NEXMIF: variants seen among roughly 807,000 people sequenced by gnomAD.
NEXMIF encodes XLMR protein related to neurite extension.
In NEXMIF, 8 loss-of-function variants were observed where a neutral mutation model predicts 62.1. The ratio of observed to expected loss-of-function variants is 0.13; its 90% confidence interval spans 0.08 to 0.23. NEXMIF has a LOEUF of 0.23. Among genes scored for constraint, NEXMIF ranks in the 10% least tolerant of loss-of-function variants. NEXMIF has a pLI of 1.00. For missense variants in NEXMIF, 976 were observed against 1,113.3 expected (o/e 0.88, Z 1.75); for synonymous variants, 404 against 416.6 (o/e 0.97, Z 0.37).
At chrX:74,790,913 C>T (rs1476396171) in intron 1 of NEXMIF, among the ~76,000 whole-genome samples, 3 of 109,986 alleles carry the variant, frequency 2.7e-5, no homozygotes, top group Non-Finnish European at 3.8e-5. Context: ...ACAATCATGT[C>T]GTCTGCAAAC....
intron 1 of NEXMIF, among the ~76,000 whole-genome samples, chrX:74,900,896 G>C (rs755983641): frequency 8.9e-6 from 1 of 112,415 alleles, no homozygotes; most frequent in Admixed American, 9.4e-5. Context: ...ACATAAGCCA[G>C]TTACAAAAAG....
chrX:74,861,786 A>G (rs2080558598), intron 1 of NEXMIF, among the ~76,000 whole-genome samples: 1 of 111,957 alleles, frequency 8.9e-6, no homozygotes, highest in South Asian at 3.8e-4. Context: ...TTTTCAGACA[A>G]GAAAATGCTT....
intron 1 of NEXMIF, among the ~76,000 whole-genome samples, chrX:74,784,669 G>GAGTT (rs1473925107): frequency 9.1e-6 from 1 of 110,256 alleles, no homozygotes; most frequent in Non-Finnish European, 1.9e-5. Context: ...GTGAAAGAAA[G>GAGTT]AGTTAACCCA....
chrX:74,863,590 C>T (rs776701775), intron 1 of NEXMIF, among the ~76,000 whole-genome samples: 3 of 111,466 alleles, frequency 2.7e-5, no homozygotes, highest in South Asian at 3.8e-4. Context: ...GAGTTGAATC[C>T]CTGAATAGAC....
intron 1 of NEXMIF, among the ~76,000 whole-genome samples, chrX:74,806,669 A>G (rs1402173978): frequency 1.8e-5 from 2 of 112,160 alleles, no homozygotes; most frequent in Admixed American, 9.4e-5. Context: ...ATTTTCTCCT[A>G]TGTTTTCTTC....
chrX:74,887,603 T>A (rs1189555021), intron 1 of NEXMIF, among the ~76,000 whole-genome samples: 1 of 110,952 alleles, frequency 9.0e-6, no homozygotes, highest in Admixed American at 9.5e-5. Context: ...TGAGATACCA[T>A]CTCACACCAG....
At chrX:74,776,585 G>A (rs1328705409) in intron 1 of NEXMIF, among the ~76,000 whole-genome samples, 1 of 109,441 alleles carries the variant, frequency 9.1e-6, no homozygotes, top group Non-Finnish European at 1.9e-5. Flanking sequence ...AAATAACCTG[G>A]GCGTGGTGGC....
intron 1 of NEXMIF, among the ~76,000 whole-genome samples, chrX:74,776,356 T>C (rs2080228400): frequency 9.0e-6 from 1 of 111,631 alleles, no homozygotes; most frequent in African/African-American, 3.3e-5. Context: ...CATGGGGAAA[T>C]ATAGGGATGA....
intron 1 of NEXMIF, among the ~76,000 whole-genome samples, chrX:74,801,010 GA>G (rs1430187889): frequency 9.0e-6 from 1 of 111,351 alleles, no homozygotes; most frequent in Non-Finnish European, 1.9e-5. Context: ...GGTAACCACT[GA>G]ATTTTTTTTT....
At chrX:74,886,604 A>C (rs944929630) in intron 1 of NEXMIF, among the ~76,000 whole-genome samples, 1 of 111,098 alleles carries the variant, frequency 9.0e-6, no homozygotes, top group African/African-American at 3.3e-5. Flanking sequence ...GATGTGAAGG[A>C]CCTCTTCAAG....
chrX:74,905,212 G>A (rs979229780), intron 1 of NEXMIF, among the ~76,000 whole-genome samples: 10 of 111,713 alleles, frequency 9.0e-5, no homozygotes, highest in Non-Finnish European at 3.8e-5. Context: ...AAAACTTGTT[G>A]CAGAATGACA....
In NEXMIF at chrX:74,742,246, A is replaced by G. The variant is rs1569335460; in HGVS notation, c.2311T>C (p.Ser771Pro). The part of the protein sequence containing the change: ...NEVIPGTSNS[S>P]RLSEFHEAKA... The stretch of plus-strand genomic sequence containing the variant: ...GCCTCATGAAATTCAGATAGACGGG[A>G]ACTGTTTGATGTCCCAGGAATAACT... Residue 771 changes from serine to proline, a missense_variant, in exon 3 of 4, where the codon TCC becomes CCC. By Grantham distance (74) the Ser-to-Pro change is moderately conservative (BLOSUM62 -1). Around this residue, in one of 5 missense-constraint regions of NEXMIF, gnomAD observed 639 missense variants for 694.5 expected, o/e 0.92. Coordinates refer to ENST00000055682, the MANE Select transcript of NEXMIF (RefSeq NM_001008537.3). 19 of 1,211,214 alleles carry G rather than the reference A, an allele frequency of 1.6e-5. No homozygotes were observed. The highest frequency in any genetic ancestry group is 2.0e-5 in the Non-Finnish European group (18 of 895,009).
chrX:74,832,309 T>G (rs2080440604), intron 1 of NEXMIF, among the ~76,000 whole-genome samples: 1 of 111,785 alleles, frequency 8.9e-6, no homozygotes, highest in Non-Finnish European at 1.9e-5. Context: ...GGTTTTGAAT[T>G]TTTTCCTGGT....
At chrX:74,779,079 G>T (rs1015281470) in intron 1 of NEXMIF, among the ~76,000 whole-genome samples, 2 of 112,468 alleles carry the variant, frequency 1.8e-5, no homozygotes, top group Non-Finnish European at 3.8e-5. Context: ...GCTGCAAATA[G>T]GTCAAGTTCA....
chrX:74,873,336 C>A (rs1263853822), intron 1 of NEXMIF, among the ~76,000 whole-genome samples: 4 of 112,075 alleles, frequency 3.6e-5, no homozygotes, highest in African/African-American at 1.3e-4. Flanking sequence ...TTTTTTATGG[C>A]TGCATAGTAT....
At chrX:74,834,859 G>A (rs993105439) in intron 1 of NEXMIF, among the ~76,000 whole-genome samples, 18 of 111,662 alleles carry the variant, frequency 1.6e-4, no homozygotes, top group African/African-American at 5.5e-4. Context: ...GGTTTGGGAA[G>A]TTCTTTGATA....
rs781658559 is a variant in NEXMIF at position 74,859,738 on chromosome X, C to A, written c.-48+65145G>T. On this transcript the variant is annotated intron_variant, in intron 1 of 3. Transcript: ENST00000055682. ...TACAATAAGATATAAATAGAAACAA[C>A]AAAAAGTTAAAAAGCGGGAGGATGA... is the stretch of plus-strand genomic sequence containing the variant. Among the ~76,000 whole-genome samples, 31 of 110,965 alleles carry A rather than the reference C, an allele frequency of 2.8e-4. No individual in the cohort carries two copies. In the East Asian group the frequency reaches 7.6e-3, roughly 27 times the overall value.
chrX:74,792,070 G>A (rs1456843893), intron 1 of NEXMIF, among the ~76,000 whole-genome samples: 2 of 108,968 alleles, frequency 1.8e-5, no homozygotes, highest in Non-Finnish European at 3.8e-5. Flanking sequence ...TGATGTTAGG[G>A]TGTCAATTTT....
At chrX:74,749,336 C>G (rs1006899444) in intron 1 of NEXMIF, among the ~76,000 whole-genome samples, 19 of 110,217 alleles carry the variant, frequency 1.7e-4, no homozygotes, top group Non-Finnish European at 3.0e-4. Context: ...CTACAAGTCT[C>G]CCTCCCACTC....
Sources: allele counts gnomAD v4.1 joint callset (sites outside exome capture counted in the v4.1 genomes callset), GRCh38; gene constraint gnomAD v4.1.1; regional missense constraint gnomAD v4.1.1; transcripts MANE v1.5; gene names NCBI Gene and HGNC (gene_info 2026-07-23, HGNC 2026-07-21).